The following ADARB2 variants were observed in gnomAD, a reference collection of about 807,000 sequenced individuals.
ADARB2 encodes the protein adenosine deaminase RNA specific B2 (inactive).
A neutral mutation model predicts 62.2 loss-of-function variants in ADARB2; 25 were observed. The observed-to-expected ratio is 0.40, with a 90% confidence interval of 0.29 to 0.56. The LOEUF is 0.56. Ranked by LOEUF, ADARB2 falls within the 20% of genes least tolerant of loss-of-function variation. The probability of loss-of-function intolerance (pLI) is 0.43; values close to 1 mark genes in which losing one functional copy is unlikely to be tolerated. For missense variants in ADARB2, 1,071 were observed against 1,077.4 expected, an observed-to-expected ratio of 0.99 and a Z score of 0.08; for synonymous variants, 572 against 500.8, an observed-to-expected ratio of 1.14 and a Z score of -1.90.
At chr10:1,354,813 C>T (rs1044389578) in intron 3 of ADARB2, among the ~76,000 whole-genome samples, 2 of 152,202 alleles carry the variant, frequency 1.3e-5, no homozygotes. Flanking sequence ...AATGATGAGT[C>T]CCAAAGGAAG....
chr10:1,260,822 CA>C (rs1186823145), intron 4 of ADARB2, among the ~76,000 whole-genome samples: 1 of 144,642 alleles, frequency 6.9e-6, no homozygotes, highest in East Asian at 2.0e-4. Flanking sequence ...CATATGGAAC[CA>C]AAAAAGAGCC....
intron 1 of ADARB2, among the ~76,000 whole-genome samples, chr10:1,390,045 C>T (rs554700765): frequency 2.8e-4 from 42 of 152,220 alleles, no homozygotes; most frequent in Middle Eastern, 3.4e-3. Context: ...GGGAGATATT[C>T]CAAATGCCCA....
intron 1 of ADARB2, among the ~76,000 whole-genome samples, chr10:1,454,949 GT>G (rs536466762): frequency 8.8e-4 from 134 of 152,344 alleles, no homozygotes; most frequent in African/African-American, 2.9e-3. Context: ...CCAGGTTGCT[GT>G]TTAATACCAA....
chr10:1,685,431 G>A (rs1050276757), intron 1 of ADARB2, among the ~76,000 whole-genome samples: 1 of 152,074 alleles, frequency 6.6e-6, no homozygotes, highest in Non-Finnish European at 1.5e-5. Context: ...CCTGTGCCTT[G>A]TACCTGACAC....
intron 1 of ADARB2, among the ~76,000 whole-genome samples, chr10:1,621,908 A>G (rs1476687817): frequency 0.032 from 5 of 154 alleles, no homozygotes; most frequent in African/African-American, 0.071. Flanking sequence ...CAAAGGATCT[A>G]ATAGTAAAAA....
chr10:1,293,137 G>T (rs1831487126), intron 3 of ADARB2: 1 of 95,762 alleles, frequency 1.0e-5, no homozygotes, highest in African/African-American at 3.6e-5. Context: ...CATAGGGAAG[G>T]AAAGAGAGAG....
chr10:1,209,550 CCATCACCCACACCCACAT>C (rs1235255035), intron 7 of ADARB2, among the ~76,000 whole-genome samples: 5 of 36,106 alleles, frequency 1.4e-4, no homozygotes, highest in Non-Finnish European at 3.7e-4. Flanking sequence ...CACACCCATG[CCATCACCCACACCCACAT>C]CATCACCCAC....
In ADARB2 at chr10:1,242,227, C is replaced by A. The variant is rs1267972825; in HGVS notation, c.1265G>T (p.Ser422Ile). ...GTKCISGEHLSDQGLVVNDCH... is the reference protein window; with the variant it reads ...GTKCISGEHLIDQGLVVNDCH... ...GTCATTCACCACCAGCCCCTGGTCA[C>A]TGAGGTGCTCGCCGCTGATGCACTT... The change falls in exon 5 of 10, where the codon AGT becomes ATT. Residue 422 changes from serine to isoleucine, a missense_variant. Physicochemically the swap from Ser to Ile is moderately radical, Grantham distance 142. Transcript: ENST00000381312. The A allele has an allele frequency of 1.2e-6, 2 of 1,603,470 alleles. No individual in the cohort carries two copies.
At chr10:1,520,031 C>T (rs934608066) in intron 1 of ADARB2, among the ~76,000 whole-genome samples, 13 of 152,302 alleles carry the variant, frequency 8.5e-5, no homozygotes, top group African/African-American at 3.1e-4. Context: ...AGAAGAGGCT[C>T]TACTGAGCAC....
chr10:1,654,864 C>T (rs1400637532), intron 1 of ADARB2, among the ~76,000 whole-genome samples: 1 of 152,244 alleles, frequency 6.6e-6, no homozygotes, highest in African/African-American at 2.4e-5. Context: ...ACGCCAGGCC[C>T]AAGGTGATGC....
intron 1 of ADARB2, among the ~76,000 whole-genome samples, chr10:1,447,096 T>C (rs1830979517): frequency 6.6e-6 from 1 of 152,204 alleles, no homozygotes; most frequent in African/African-American, 2.4e-5. Context: ...ATATGCCAGA[T>C]TTACTCAAAG....
chr10:1,394,791 C>T (rs1832597323), intron 1 of ADARB2: 2 of 455,220 alleles, frequency 4.4e-6, no homozygotes, highest in Non-Finnish European at 8.8e-6. Flanking sequence ...CTGGTAGGAG[C>T]GTCTAAGGGG....
intron 6 of ADARB2, among the ~76,000 whole-genome samples, chr10:1,218,087 C>T (rs1471425467): frequency 6.6e-6 from 1 of 152,168 alleles, no homozygotes; most frequent in African/African-American, 2.4e-5. Context: ...GTCTCGCTCT[C>T]TTACCCAGGC....
At chr10:1,453,699 C>A (rs1257596307) in intron 1 of ADARB2, among the ~76,000 whole-genome samples, 2 of 152,168 alleles carry the variant, frequency 1.3e-5, no homozygotes, top group Non-Finnish European at 2.9e-5. Flanking sequence ...AAGACTTGAA[C>A]AGACGTTTCT....
intron 1 of ADARB2, among the ~76,000 whole-genome samples, chr10:1,708,835 G>A (rs1311021333): frequency 6.6e-6 from 1 of 152,106 alleles, no homozygotes; most frequent in Non-Finnish European, 1.5e-5. Context: ...AGTCACTGCA[G>A]AATCCATCCT....
At chr10:1,213,869 A>ACCTGTGCCCAGCG (rs1564222793) in intron 7 of ADARB2, among the ~76,000 whole-genome samples, 4 of 151,812 alleles carry the variant, frequency 2.6e-5, no homozygotes, top group African/African-American at 9.7e-5. Context: ...TGTGTCCAGC[A>ACCTGTGCCCAGCG]TCTCGTGGGT....
intron 7 of ADARB2, among the ~76,000 whole-genome samples, chr10:1,201,237 G>A (rs916709917): frequency 2.6e-5 from 4 of 152,160 alleles, no homozygotes; most frequent in Admixed American, 6.5e-5. Context: ...TGGGGGTTTC[G>A]GGGAGCCGCT....
intron 1 of ADARB2, among the ~76,000 whole-genome samples, chr10:1,550,362 G>A (rs1023506437): frequency 7.9e-5 from 12 of 152,194 alleles, no homozygotes; most frequent in Non-Finnish European, 1.2e-4. Context: ...CTGACACGGC[G>A]AACAGCAGCT....
chr10:1,330,858 G>A (rs1043000613), intron 3 of ADARB2, among the ~76,000 whole-genome samples: 1 of 152,214 alleles, frequency 6.6e-6, no homozygotes, highest in African/African-American at 2.4e-5. Flanking sequence ...TATCTGATGA[G>A]GCACTGATAA....
Sources: allele counts gnomAD v4.1 joint callset (sites outside exome capture counted in the v4.1 genomes callset), GRCh38; gene constraint gnomAD v4.1.1; transcripts MANE v1.5; gene names NCBI Gene and HGNC (gene_info 2026-07-23, HGNC 2026-07-21).